The following NOS1AP variants were observed in gnomAD, a reference collection of about 807,000 sequenced individuals.
NOS1AP encodes carboxyl-terminal PDZ ligand of neuronal nitric oxide synthase protein.
A neutral mutation model predicts 56.2 loss-of-function variants in NOS1AP; 21 were observed. That is an observed-to-expected ratio of 0.37 (90% CI 0.26 to 0.54). The LOEUF is 0.54. Ranked by LOEUF, NOS1AP falls within the 20% of genes least tolerant of loss-of-function variation. The probability of loss-of-function intolerance (pLI) is 0.84; values close to 1 mark genes in which losing one functional copy is unlikely to be tolerated. For missense variants in NOS1AP, 522 were observed against 657.8 expected (o/e 0.79, Z 2.26); for synonymous variants, 270 against 274.6 (o/e 0.98, Z 0.17).
Position 162,343,961 on chromosome 1 carries a change from A to C in NOS1AP, c.580A>C (p.Ser194Arg), listed in dbSNP as rs755422748. 1 of 1,614,118 alleles carries C rather than the reference A, an allele frequency of 6.2e-7. No homozygotes were observed. Among genetic ancestry groups the C allele is most frequent in the Admixed American group, 1.7e-5 (1 of 60,020 alleles). Reference protein sequence around the residue: ...EDGESERNSNSSGDPGRQLTG... With the variant: ...EDGESERNSNRSGDPGRQLTG... ...TGGAGAGAGCGAGAGGAACAGCAAC[A>C]GCTCAGGAGACCCAGGTAGGCACTG... Residue 194 changes from serine (S) to arginine (R), a missense_variant, in exon 6 of 10, where the codon AGC (serine) becomes CGC (arginine). Ser to Arg is a moderately radical substitution (Grantham distance 110). Around this residue, in one of 4 missense-constraint regions of NOS1AP, gnomAD observed 178 missense variants for 165.0 expected, o/e 1.08. Transcript: ENST00000361897.
At chr1:162,363,011 C>G in intron 8 of NOS1AP, 1 of 613,240 alleles carries the variant, frequency 1.6e-6, no homozygotes, top group Non-Finnish European at 2.0e-6. Context: ...GGCTTTTTCC[C>G]ACACACCAAG....
In NOS1AP at chr1:162,355,167, C is replaced by T. The variant is rs767856428; in HGVS notation, c.596-20C>T. 1 of 1,613,712 alleles carries T rather than the reference C, an allele frequency of 6.2e-7. No individual in the cohort carries two copies. Among genetic ancestry groups the T allele is most frequent in the Non-Finnish European group, 8.5e-7 (1 of 1,179,952 alleles). On this transcript the variant is annotated intron_variant, in intron 6 of 9. Transcript: ENST00000361897. ...TCGGTGTTTTCATTCTCTTCCCTCC[C>T]TCCCCTGTTGTTCCTGCAGGCCGCC...
At chr1:162,342,254 T>C (rs1409620530) in intron 5 of NOS1AP, among the ~76,000 whole-genome samples, 1 of 152,222 alleles carries the variant, frequency 6.6e-6, no homozygotes, top group African/African-American at 2.4e-5. Context: ...CTGGAGTTAG[T>C]CTAATGGCTA....
chr1:162,241,927 C>T (rs984535711), intron 2 of NOS1AP, among the ~76,000 whole-genome samples: 3 of 152,208 alleles, frequency 2.0e-5, no homozygotes, highest in African/African-American at 7.2e-5. Flanking sequence ...TCATCTCATT[C>T]ATCTCTAACC....
chr1:162,275,905 T>G (rs1246068733), intron 2 of NOS1AP, among the ~76,000 whole-genome samples: 3 of 152,214 alleles, frequency 2.0e-5, no homozygotes, highest in African/African-American at 7.2e-5. Flanking sequence ...CAGAGGGAAC[T>G]CAAATGAGGT....
chr1:162,093,220 TTAAAA>T (rs1692170937), intron 1 of NOS1AP, among the ~76,000 whole-genome samples: 1 of 152,178 alleles, frequency 6.6e-6, no homozygotes, highest in Non-Finnish European at 1.5e-5. Flanking sequence ...TAGGAATGTG[TTAAAA>T]TAAGAAGGGG....
chr1:162,157,097 T>C (rs762386584), intron 2 of NOS1AP: 5 of 154,562 alleles, frequency 3.2e-5, no homozygotes, highest in Admixed American at 6.5e-5. Flanking sequence ...GGCCGAGGCA[T>C]GGTATGGGGC....
intron 2 of NOS1AP, among the ~76,000 whole-genome samples, chr1:162,232,874 A>G (rs191954698): frequency 1.4e-3 from 208 of 152,328 alleles, no homozygotes; most frequent in African/African-American, 4.7e-3. Context: ...TAATAACCCT[A>G]TGATACATAG....
chr1:162,322,452 C>T (rs1031294844), intron 4 of NOS1AP, among the ~76,000 whole-genome samples: 1 of 152,194 alleles, frequency 6.6e-6, no homozygotes, highest in African/African-American at 2.4e-5. Flanking sequence ...CGTCATGGCA[C>T]ATGGGACTCC....
chr1:162,168,959 G>T (rs532644789), intron 2 of NOS1AP, among the ~76,000 whole-genome samples: 13 of 152,370 alleles, frequency 8.5e-5, no homozygotes, highest in African/African-American at 3.1e-4. Flanking sequence ...TGCCTGGCAT[G>T]AGGAGACATC....
chr1:162,142,810 T>A (rs554644161), intron 1 of NOS1AP, among the ~76,000 whole-genome samples: 1 of 152,338 alleles, frequency 6.6e-6, no homozygotes, highest in South Asian at 2.1e-4. Context: ...TTAAGTGATG[T>A]ATGTAAAGGT....
chr1:162,337,374 A>T (rs1458909583), intron 5 of NOS1AP, among the ~76,000 whole-genome samples: 3 of 152,222 alleles, frequency 2.0e-5, no homozygotes, highest in Non-Finnish European at 2.9e-5. Context: ...AGAGGTTGCA[A>T]TGGATTTTGA....
intron 1 of NOS1AP, among the ~76,000 whole-genome samples, chr1:162,153,230 G>A (rs1227353182): frequency 6.6e-6 from 1 of 152,198 alleles, no homozygotes; most frequent in Non-Finnish European, 1.5e-5. Context: ...CTGGGTTCAA[G>A]CAATTCTCAT....
At chr1:162,223,718 A>G (rs1457450251) in intron 2 of NOS1AP, among the ~76,000 whole-genome samples, 1 of 152,188 alleles carries the variant, frequency 6.6e-6, no homozygotes, top group Non-Finnish European at 1.5e-5. Context: ...TTTTGTAGGT[A>G]GAGGATATAG....
At chr1:162,133,885 C>T (rs1268682780) in intron 1 of NOS1AP, among the ~76,000 whole-genome samples, 2 of 152,144 alleles carry the variant, frequency 1.3e-5, no homozygotes, top group South Asian at 2.1e-4. Context: ...AAGTAATCGG[C>T]ATTCAACGAA....
intron 2 of NOS1AP, among the ~76,000 whole-genome samples, chr1:162,170,546 A>G (rs11805598): frequency 0.45 from 67,787 of 152,114 alleles, 18,577 homozygotes; most frequent in Non-Finnish European, 0.61. Context: ...GAGCAGGAAT[A>G]GGTTAGTTTA....
chr1:162,162,174 A>C (rs1023832343), intron 2 of NOS1AP, among the ~76,000 whole-genome samples: 1 of 152,182 alleles, frequency 6.6e-6, no homozygotes, highest in African/African-American at 2.4e-5. Flanking sequence ...GTGTTTGTCT[A>C]CTTGTTTCTA....
intron 1 of NOS1AP, among the ~76,000 whole-genome samples, chr1:162,114,734 GGGACC>G (rs1647867500): frequency 6.6e-6 from 1 of 152,116 alleles, no homozygotes; most frequent in African/African-American, 2.4e-5. Flanking sequence ...TGGTCTCATC[GGGACC>G]TGCCTACCTG....
At chr1:162,314,997 T>G (rs911135360) in intron 4 of NOS1AP, among the ~76,000 whole-genome samples, 1 of 152,254 alleles carries the variant, frequency 6.6e-6, no homozygotes, top group African/African-American at 2.4e-5. Context: ...AAGAGATATT[T>G]GCATTTTGTT....
Sources: gnomAD v4.1 joint callset for allele counts (sites outside exome capture counted in the v4.1 genomes callset) on GRCh38, gnomAD v4.1.1 for gene constraint, gnomAD v4.1.1 regional missense constraint, MANE v1.5 for transcripts, NCBI Gene and HGNC (gene_info 2026-07-23, HGNC 2026-07-21) for gene names.